Variants in MSH3 observed in about 807,000 individuals in gnomAD.
MSH3 encodes mutS homolog 3, also known as DNA mismatch repair protein Msh3.
MSH3 carries 106 observed loss-of-function variants against 123.3 expected under a neutral mutation model. The ratio of observed to expected loss-of-function variants is 0.86; its 90% CI spans 0.73 to 1.01. The LOEUF (loss-of-function observed/expected upper bound fraction) is 1.01, where lower values mean the gene tolerates loss of function less well. MSH3 is among the 50% of genes least tolerant of loss of function. The pLI is 0.00. For synonymous variants in MSH3, 515 were observed against 481.4 expected, an observed-to-expected ratio of 1.07 and a Z score of -0.91; for missense variants, 1,459 against 1,347.6, an observed-to-expected ratio of 1.08 and a Z score of -1.29.
intron 20 of MSH3, among the ~76,000 whole-genome samples, chr5:80,850,220 G>C (rs1323620598): frequency 1.3e-5 from 2 of 152,094 alleles, no homozygotes; most frequent in African/African-American, 4.8e-5. Flanking sequence ...CAGCATTTTT[G>C]TCAAAGCCAT....
At chr5:80,859,769 G>A (rs1346461245) in intron 21 of MSH3, among the ~76,000 whole-genome samples, 1 of 148,874 alleles carries the variant, frequency 6.7e-6, no homozygotes, top group Non-Finnish European at 1.5e-5. Context: ...TTTGAGGTGG[G>A]ATCTTACTGT....
intron 20 of MSH3, among the ~76,000 whole-genome samples, chr5:80,844,681 G>T (rs1257130728): frequency 6.6e-6 from 1 of 151,458 alleles, no homozygotes; most frequent in Non-Finnish European, 1.5e-5. Context: ...TTTGATCTTT[G>T]TTGCTGTAAA....
chr5:80,672,521 G>T (rs1206644440), intron 5 of MSH3, among the ~76,000 whole-genome samples, 161 bp downstream of exon 5: 1 of 152,154 alleles, frequency 6.6e-6, no homozygotes, highest in Non-Finnish European at 1.5e-5. Context: ...GTATTTATGA[G>T]TTTTTAACAT....
intron 19 of MSH3, among the ~76,000 whole-genome samples, chr5:80,805,396 T>A (rs976974269): frequency 6.6e-6 from 1 of 152,182 alleles, no homozygotes; most frequent in Non-Finnish European, 1.5e-5. Flanking sequence ...GCATCTAAAT[T>A]TCCCCTAATG....
chr5:80,732,700 A>G (rs141482234), intron 10 of MSH3, among the ~76,000 whole-genome samples: 3 of 152,160 alleles, frequency 2.0e-5, no homozygotes, highest in Non-Finnish European at 2.9e-5. Flanking sequence ...CTCCATGACT[A>G]TTGGATTTAT....
intron 2 of MSH3, among the ~76,000 whole-genome samples, 196 bp downstream of exon 2, chr5:80,656,727 C>T (rs553634223): frequency 3.9e-5 from 6 of 152,276 alleles, no homozygotes; most frequent in African/African-American, 1.4e-4. Context: ...AGCTACAATT[C>T]TGCAATTTAG....
Position 80,675,076 on chromosome 5 carries a change from A to G in MSH3, c.1121A>G (p.Asn374Ser), listed in dbSNP as rs1749809431. ...AGCTATCTTCTGTGCATCTCTGAAA[A>G]TAAGGAAAATGTTAGGGACAAAAAA... is the stretch of plus-strand genomic sequence containing the variant. ...STSYLLCISE[N>S]KENVRDKKKG... The change falls in exon 7 of 24, where the codon AAT becomes AGT. Residue 374 changes from asparagine (N) to serine (S), a missense_variant. Physicochemically the swap from Asn to Ser is conservative, Grantham distance 46 (BLOSUM62 1). Coordinates refer to ENST00000265081, the MANE Select transcript of MSH3 (RefSeq NM_002439.5). 1 of 1,613,856 alleles carries G rather than the reference A, an allele frequency of 6.2e-7. No homozygotes were observed. The highest frequency in any genetic ancestry group is 8.5e-7 in the Non-Finnish European group (1 of 1,179,902).
intron 13 of MSH3, among the ~76,000 whole-genome samples, chr5:80,763,494 A>G (rs552304127): frequency 2.3e-4 from 35 of 152,214 alleles, no homozygotes; most frequent in Non-Finnish European, 4.6e-4. Flanking sequence ...TGAAGTTGCA[A>G]TGTGGGTGCC....
chr5:80,696,129 A>G (rs922962338), intron 8 of MSH3, among the ~76,000 whole-genome samples: 1 of 152,130 alleles, frequency 6.6e-6, no homozygotes, highest in African/African-American at 2.4e-5. Context: ...GCCTTCTCTG[A>G]CACCATCCCC....
chr5:80,875,909 A>G lies in MSH3; in HGVS notation c.*47A>G. The G allele has an allele frequency of 8.6e-7, 1 of 1,161,190 alleles. No individual in the cohort carries two copies. Among genetic ancestry groups the G allele is most frequent in the South Asian group, 1.3e-5 (1 of 78,894 alleles). 71.9% of individuals were successfully genotyped at this position (1,161,190 alleles called of 1,614,324 possible). ...CAAAAAATGGAGAATTAAAAATACC[A>G]ACTGTACAAAATAACTCTCCAGTAA... On this transcript the variant is annotated 3_prime_UTR_variant, in exon 24 of 24. Transcript: ENST00000265081.
intron 2 of MSH3, among the ~76,000 whole-genome samples, chr5:80,660,241 A>C (rs1371014930): frequency 6.6e-6 from 1 of 151,196 alleles, no homozygotes. Flanking sequence ...TGTGTAGAAC[A>C]TGCAGGTTTG....
chr5:80,655,217 C>T (rs1411169918), intron 1 of MSH3: 7 of 352,824 alleles, frequency 2.0e-5, no homozygotes, highest in South Asian at 1.9e-4. Context: ...GACAGGAACT[C>T]AGGTCTCCTG....
intron 23 of MSH3, among the ~76,000 whole-genome samples, chr5:80,873,652 A>G (rs1333258618): frequency 6.6e-6 from 1 of 152,202 alleles, no homozygotes; most frequent in Non-Finnish European, 1.5e-5. Context: ...CAGATATGCA[A>G]CGATTACATC....
chr5:80,776,876 T>C (rs1378164860), intron 16 of MSH3, among the ~76,000 whole-genome samples: 2 of 147,746 alleles, frequency 1.4e-5, no homozygotes, highest in Non-Finnish European at 3.0e-5. Flanking sequence ...ACATATATAA[T>C]ATATATAATA....
At chr5:80,873,524 AGAATT>A (rs1746258025) in intron 23 of MSH3, among the ~76,000 whole-genome samples, 1 of 152,226 alleles carries the variant, frequency 6.6e-6, no homozygotes, top group Non-Finnish European at 1.5e-5. Flanking sequence ...ATTTTTATAA[AGAATT>A]AAGTTAACTC....
intron 12 of MSH3, among the ~76,000 whole-genome samples, chr5:80,745,316 T>C (rs1182906781): frequency 6.6e-6 from 1 of 152,186 alleles, no homozygotes; most frequent in Non-Finnish European, 1.5e-5. Context: ...GATATGCAGA[T>C]AAATTTGGAG....
At chr5:80,819,376 ATG>A (rs1561488496) in intron 20 of MSH3, among the ~76,000 whole-genome samples, 8 of 13,432 alleles carry the variant, frequency 6.0e-4, no homozygotes, top group African/African-American at 9.7e-4. Context: ...GTGTATATAT[ATG>A]TGTATATATG....
At chr5:80,788,751 C>A (rs1744557911) in intron 18 of MSH3, among the ~76,000 whole-genome samples, 1 of 148,200 alleles carries the variant, frequency 6.7e-6, no homozygotes, top group Non-Finnish European at 1.5e-5. Flanking sequence ...TGCAGTGAGC[C>A]ATGATAGTGC....
At chr5:80,836,678 A>G (rs1345685513) in intron 20 of MSH3, among the ~76,000 whole-genome samples, 3 of 152,006 alleles carry the variant, frequency 2.0e-5, no homozygotes, top group Non-Finnish European at 4.4e-5. Flanking sequence ...TTTGCATATA[A>G]CCTGTGCACA....
Sources: gnomAD v4.1 joint callset for allele counts (sites outside exome capture counted in the v4.1 genomes callset) on GRCh38, gnomAD v4.1.1 for gene constraint, MANE v1.5 for transcripts, NCBI Gene and HGNC (gene_info 2026-07-23, HGNC 2026-07-21) for gene names.